Variants in PTPRD observed in about 807,000 individuals in gnomAD.
The protein encoded by PTPRD is receptor-type tyrosine-protein phosphatase delta.
In PTPRD, 34 loss-of-function variants were observed where a neutral mutation model predicts 214.5. That is an observed-to-expected ratio of 0.16 (90% CI 0.12 to 0.21). The LOEUF is 0.21. PTPRD is among the 10% of genes least tolerant of loss of function. The probability of loss-of-function intolerance (pLI) is 1.00; values close to 1 mark genes in which losing one functional copy is unlikely to be tolerated. For missense variants in PTPRD, 2,545 were observed against 2,398.7 expected, an observed-to-expected ratio of 1.06 and a Z score of -1.27; for synonymous variants, 1,128 against 845.7, an observed-to-expected ratio of 1.33 and a Z score of -5.79.
At chr9:9,982,525 C>A (rs2095579530) in intron 4 of PTPRD, among the ~76,000 whole-genome samples, 1 of 150,074 alleles carries the variant, frequency 6.7e-6, no homozygotes, top group African/African-American at 2.5e-5. Context: ...TTGGCATAAA[C>A]TAATTGCAAT....
chr9:9,003,700 A>T (rs553609212), intron 11 of PTPRD, among the ~76,000 whole-genome samples: 19 of 152,138 alleles, frequency 1.2e-4, no homozygotes, highest in African/African-American at 4.3e-4. Flanking sequence ...TTGGTTGCTT[A>T]CTTGCTGCTT....
At chr9:9,499,947 C>T (rs2096349662) in intron 8 of PTPRD, among the ~76,000 whole-genome samples, 2 of 152,036 alleles carry the variant, frequency 1.3e-5, no homozygotes, top group Admixed American at 6.6e-5. Flanking sequence ...AGTGATACTG[C>T]AGCAATAAAC....
At chr9:8,963,163 C>T (rs2099167717) in intron 11 of PTPRD, 1 of 151,988 alleles carries the variant, frequency 6.6e-6, no homozygotes, top group Non-Finnish European at 1.5e-5. Context: ...TGATTCCATT[C>T]ATTTACAGTA....
chr9:9,256,213 A>G (rs1032476873), intron 9 of PTPRD, among the ~76,000 whole-genome samples: 2 of 152,042 alleles, frequency 1.3e-5, no homozygotes, highest in Non-Finnish European at 2.9e-5. Context: ...AAGAAGAGTG[A>G]CAATGACATT....
intron 8 of PTPRD, among the ~76,000 whole-genome samples, chr9:9,511,064 G>C (rs1317885279): frequency 6.6e-6 from 1 of 151,720 alleles, no homozygotes; most frequent in Non-Finnish European, 1.5e-5. Context: ...TAGAATCTAT[G>C]AACAAAGGCC....
chr9:8,423,881 A>G (rs939462815), intron 35 of PTPRD, among the ~76,000 whole-genome samples: 2 of 152,132 alleles, frequency 1.3e-5, no homozygotes, highest in Non-Finnish European at 2.9e-5. Flanking sequence ...CAGTCACTAT[A>G]ATATAGGTAG....
In PTPRD at chr9:9,061,226, T is replaced by C. The variant is rs10977462; in HGVS notation, c.-142-42491A>G. ...GGTTGTAAATTTGTTTTGTGTGTTTTTCTATGCGTTATACTGCAACACAAA... is the reference window on the plus strand; with the variant it reads ...GGTTGTAAATTTGTTTTGTGTGTTTCTCTATGCGTTATACTGCAACACAAA... On this transcript the variant is annotated intron_variant, in intron 10 of 45. Coordinates refer to ENST00000381196, the MANE Select transcript of PTPRD (RefSeq NM_002839.4). 2.0e-5 allele frequency among the ~76,000 whole-genome samples: 3 copies of C among 152,318 alleles called. No individual in the cohort carries two copies. In the East Asian group the frequency reaches 5.8e-4, roughly 29 times the overall value.
At chr9:9,468,837 G>T (rs960216512) in intron 8 of PTPRD, among the ~76,000 whole-genome samples, 5 of 151,980 alleles carry the variant, frequency 3.3e-5, no homozygotes, top group Non-Finnish European at 4.4e-5. Flanking sequence ...ACACTGACAG[G>T]TTTATTCTCA....
intron 35 of PTPRD, among the ~76,000 whole-genome samples, chr9:8,416,130 A>T (rs1299761028): frequency 6.6e-6 from 1 of 152,180 alleles, no homozygotes; most frequent in Non-Finnish European, 1.5e-5. Context: ...AACTTTGAAA[A>T]GCTTGGAAAT....
At position 8,964,190 on chromosome 9, in the gene PTPRD, G is replaced by GTTTTTTTTTTTTTTTTTTTTTTTT. The variant is rs1334290420; in HGVS notation, c.-104+54506_-104+54507insAAAAAAAAAAAAAAAAAAAAAAAA. The stretch of plus-strand genomic sequence containing the variant: ...CTGTGAATCTATCTAGTTCAGGGCT[G>GTTTTTTTTTTTTTTTTTTTTTTTT]TGTTTTTTTTTTTTTTTTTTTTTTT... On this transcript the variant is annotated intron_variant, in intron 11 of 45. Coordinates refer to ENST00000381196, the MANE Select transcript of PTPRD (RefSeq NM_002839.4). Among the ~76,000 whole-genome samples, 11 of 52,944 alleles carry GTTTTTTTTTTTTTTTTTTTTTTTT rather than the reference G, an allele frequency of 2.1e-4. 1 individual carries two copies. The highest frequency in any genetic ancestry group is 1.0e-3 in the East Asian group (1 of 966). 34.7% of individuals were successfully genotyped at this position (52,944 alleles called of 152,430 possible). A position where few individuals can be genotyped will look rare whatever the true frequency, so the allele number is the denominator to read the frequency against.
At chr9:8,373,836 GTATGTATGTA>G (rs1554816133) in intron 39 of PTPRD, among the ~76,000 whole-genome samples, 8,485 of 95,206 alleles carry the variant, frequency 0.089, 312 homozygotes, top group Middle Eastern at 0.19. Context: ...ATGTATGTAT[GTATGTATGTA>G]TGTGTATGTG....
chr9:8,489,469 A>G (rs982826164), intron 27 of PTPRD, among the ~76,000 whole-genome samples: 2 of 152,170 alleles, frequency 1.3e-5, no homozygotes, highest in African/African-American at 4.8e-5. Context: ...CCTGAAAACT[A>G]TGAGACAACC....
intron 11 of PTPRD, among the ~76,000 whole-genome samples, chr9:8,897,453 G>A (rs1417133036): frequency 1.3e-5 from 2 of 152,306 alleles, no homozygotes; most frequent in South Asian, 2.1e-4. Context: ...TTTGAGGTAA[G>A]CTACCACATA....
At chr9:9,864,174 C>T (rs112666365) in intron 5 of PTPRD, among the ~76,000 whole-genome samples, 5,228 of 152,104 alleles carry the variant, frequency 0.034, 280 homozygotes, top group African/African-American at 0.12. Context: ...GGTGTGGTGG[C>T]GGGTGCCCGC....
chr9:9,006,179 A>G (rs1037988489), intron 11 of PTPRD, among the ~76,000 whole-genome samples: 1 of 147,962 alleles, frequency 6.8e-6, no homozygotes, highest in African/African-American at 2.5e-5. Context: ...TGTTAAAAGA[A>G]AGATTAGAGG....
rs554493507 is a variant in PTPRD at position 8,672,043 on chromosome 9, C to G, written c.65-35199G>C. Among the ~76,000 whole-genome samples the G allele has an allele frequency of 2.6e-5, 4 of 152,230 alleles. No individual in the cohort carries two copies. The East Asian group carries it at 5.8e-4, about 22-fold the overall frequency. The stretch of plus-strand genomic sequence containing the variant: ...ACAAGTTTTCATTCAAACTAAATTA[C>G]CAGTTAAGGCTATTATCTCCTCATA... On this transcript the variant is annotated intron_variant, in intron 12 of 45. Transcript: ENST00000381196.
Position 8,338,801 on chromosome 9 carries a change from G to A in PTPRD, c.5379+121C>T. 4.5e-6 allele frequency: 4 copies of A among 897,238 alleles called. No homozygotes were observed. In the South Asian group the frequency reaches 9.1e-5, roughly 20 times the overall value. The allele number at this position is 897,238 out of a possible 1,614,324, so 55.6% of individuals were successfully genotyped here. ...CATAAAAAAAAACGTTCTCCAGAAT[G>A]AATGATTTCTCTTTGGGACAACAGT... On this transcript the variant is annotated intron_variant, in intron 43 of 45. Coordinates refer to ENST00000381196, the MANE Select transcript of PTPRD (RefSeq NM_002839.4).
At chr9:8,840,386 G>T (rs573690898) in intron 11 of PTPRD, among the ~76,000 whole-genome samples, 1 of 152,232 alleles carries the variant, frequency 6.6e-6, no homozygotes, top group Non-Finnish European at 1.5e-5. Context: ...TGCGATCCAT[G>T]TAAGAAGTAG....
rs1170160654 is a variant in PTPRD, at chr9:9,677,226, T to C, written c.-287+57307A>G. Among the ~76,000 whole-genome samples the C allele has an allele frequency of 8.6e-4, 131 of 152,278 alleles. 1 individual carries two copies. Among genetic ancestry groups the C allele is most frequent in the Non-Finnish European group, 1.5e-5 (1 of 68,016 alleles). On this transcript the variant is annotated intron_variant, in intron 7 of 45. Coordinates refer to ENST00000381196, the MANE Select transcript of PTPRD (RefSeq NM_002839.4). Reference sequence around the variant, plus strand: ...CCCATGCCTATGTCCTGAATGGTATTGCCTAGGTTGTCTTCCAGGGTTTTT... The same window carrying C: ...CCCATGCCTATGTCCTGAATGGTATCGCCTAGGTTGTCTTCCAGGGTTTTT...
Sources: allele counts gnomAD v4.1 joint callset (sites outside exome capture counted in the v4.1 genomes callset), GRCh38; gene constraint gnomAD v4.1.1; transcripts MANE v1.5; gene names NCBI Gene and HGNC (gene_info 2026-07-23, HGNC 2026-07-21).